Variants in COL14A1 observed in about 807,000 individuals in gnomAD.
COL14A1 encodes collagen type XIV alpha 1 chain, also known as collagen alpha-1(XIV) chain.
In COL14A1, 136 loss-of-function variants were observed where a neutral mutation model predicts 230.3. The ratio of observed to expected loss-of-function variants is 0.59; its 90% confidence interval spans 0.51 to 0.68. The LOEUF is 0.68. COL14A1 is among the 30% of genes least tolerant of loss of function. The pLI is 0.00. For synonymous variants in COL14A1, 792 were observed against 784.1 expected (o/e 1.01, Z -0.17); for missense variants, 1,976 against 2,215.8 (o/e 0.89, Z 2.17).
chr8:120,179,399 A>G (rs112846502), intron 5 of COL14A1, among the ~76,000 whole-genome samples: 2,646 of 152,266 alleles, frequency 0.017, 87 homozygotes, highest in African/African-American at 0.059. Flanking sequence ...CCAATAACAG[A>G]CAAACAGAGA....
At chr8:120,350,254 A>T (rs1257294817) in intron 45 of COL14A1, among the ~76,000 whole-genome samples, 1 of 152,062 alleles carries the variant, frequency 6.6e-6, no homozygotes, top group Admixed American at 6.6e-5. Flanking sequence ...CATGGAAAGG[A>T]ACAACCGGTA....
chr8:120,136,933 G>C (rs990385781), intron 1 of COL14A1, among the ~76,000 whole-genome samples: 1 of 115,434 alleles, frequency 8.7e-6, no homozygotes, highest in Non-Finnish European at 1.6e-5. Flanking sequence ...CTGCACTCCA[G>C]CCTGTGTGAC....
At chr8:120,298,736 G>C (rs1319289290) in intron 35 of COL14A1, among the ~76,000 whole-genome samples, 1 of 148,942 alleles carries the variant, frequency 6.7e-6, no homozygotes, top group Non-Finnish European at 1.5e-5. Context: ...AATAATTAAA[G>C]CTGGGATTCT....
chr8:120,232,834 T>G (rs1032421739), intron 19 of COL14A1, among the ~76,000 whole-genome samples: 3 of 152,228 alleles, frequency 2.0e-5, no homozygotes, highest in Non-Finnish European at 2.9e-5. Context: ...CTTTGAGGAA[T>G]CGCTACACTG....
At chr8:120,298,276 G>T (rs1820589508) in intron 35 of COL14A1, among the ~76,000 whole-genome samples, 1 of 151,834 alleles carries the variant, frequency 6.6e-6, no homozygotes. Flanking sequence ...AGTCCAGTGG[G>T]TGCTGAATAT....
In COL14A1 at chr8:120,266,860, C is replaced by T. The variant is rs962158088; in HGVS notation, c.3050C>T (p.Pro1017Leu). The T allele has an allele frequency of 6.2e-7, 1 of 1,612,008 alleles. No homozygotes were observed. The highest frequency in any genetic ancestry group is 8.5e-7 in the Non-Finnish European group (1 of 1,178,470). Residue 1017 changes from proline to leucine, a missense_variant, in exon 25 of 48, where the codon CCA (proline) becomes CTA (leucine). Transcript: ENST00000297848. ...CCTACACGACCACCAACTTTTCCTC[C>T]AACCATTCCACCAGCAAAAGAAGGT... Reference protein sequence around the residue: ...SLPTRPPTFPPTIPPAKEVCK... With the variant: ...SLPTRPPTFPLTIPPAKEVCK...
intron 18 of COL14A1, among the ~76,000 whole-genome samples, chr8:120,229,432 G>C (rs1005490556): frequency 6.1e-4 from 92 of 152,032 alleles, no homozygotes; most frequent in African/African-American, 2.0e-3. Flanking sequence ...CCCTACAAAG[G>C]ACATGAACTC....
chr8:120,246,094 C>A (rs555384460), intron 20 of COL14A1, among the ~76,000 whole-genome samples: 1 of 152,076 alleles, frequency 6.6e-6, no homozygotes, highest in Non-Finnish European at 1.5e-5. Context: ...ACCTGGGCAC[C>A]GAAGTGTGGA....
chr8:120,264,034 A>G (rs1409323385), intron 24 of COL14A1, among the ~76,000 whole-genome samples: 2 of 152,206 alleles, frequency 1.3e-5, no homozygotes, highest in African/African-American at 4.8e-5. Flanking sequence ...TTTTTAGTAC[A>G]TGTAATGAGT....
At chr8:120,350,096 A>C (rs1170569611) in intron 45 of COL14A1, among the ~76,000 whole-genome samples, 2 of 151,058 alleles carry the variant, frequency 1.3e-5, no homozygotes, top group African/African-American at 4.9e-5. Flanking sequence ...ATTCTTAAAG[A>C]AAAGAATTTT....
upstream of COL14A1, among the ~76,000 whole-genome samples, chr8:120,124,881 C>T (rs1814266454): frequency 6.6e-6 from 1 of 152,082 alleles, no homozygotes; most frequent in East Asian, 1.9e-4. Context: ...GCGCCACATC[C>T]GGCTGCCGCG....
intron 1 of COL14A1, among the ~76,000 whole-genome samples, chr8:120,139,677 T>C (rs1345352679): frequency 6.6e-6 from 1 of 152,166 alleles, no homozygotes; most frequent in African/African-American, 2.4e-5. Flanking sequence ...AATTAGAAAT[T>C]TTTGAGAGTT....
intron 5 of COL14A1, among the ~76,000 whole-genome samples, chr8:120,184,730 A>G (rs922110624): frequency 3.3e-5 from 5 of 152,138 alleles, no homozygotes; most frequent in Non-Finnish European, 7.3e-5. Context: ...TGGCAGGCTC[A>G]AAACCCAAGA....
At chr8:120,138,425 C>G (rs1293819087) in intron 1 of COL14A1, among the ~76,000 whole-genome samples, 2 of 152,068 alleles carry the variant, frequency 1.3e-5, no homozygotes, top group Non-Finnish European at 2.9e-5. Context: ...CTGACATTTC[C>G]CTTCTCAATA....
At chr8:120,154,453 C>G (rs1267106163) in intron 2 of COL14A1, among the ~76,000 whole-genome samples, 1 of 152,164 alleles carries the variant, frequency 6.6e-6, no homozygotes, top group Non-Finnish European at 1.5e-5. Context: ...TAAAAATGCC[C>G]CTACACTTTC....
intron 40 of COL14A1, among the ~76,000 whole-genome samples, chr8:120,328,270 A>G (rs527805647): frequency 2.6e-5 from 4 of 151,810 alleles, no homozygotes; most frequent in South Asian, 4.2e-4. Flanking sequence ...GTCTCACTCT[A>G]TCACCCAGAC....
chr8:120,150,545 C>T (rs1586718445), intron 2 of COL14A1, among the ~76,000 whole-genome samples: 1 of 152,074 alleles, frequency 6.6e-6, no homozygotes, highest in East Asian at 1.9e-4. Context: ...TTCATCTTGA[C>T]CCCTGTGTCA....
intron 44 of COL14A1, among the ~76,000 whole-genome samples, chr8:120,344,720 C>A (rs1563394): frequency 0.5 from 76,549 of 152,070 alleles, 19,985 homozygotes; most frequent in African/African-American, 0.66. Flanking sequence ...GGGAAAACTC[C>A]TCTCCTAATG....
rs570008735 is a variant in COL14A1, at chr8:120,153,141, G to A, written c.89-4989G>A. On this transcript the variant is annotated intron_variant, in intron 2 of 47. Coordinates refer to ENST00000297848, the MANE Select transcript of COL14A1 (RefSeq NM_021110.4). Reference sequence around the variant, plus strand: ...ATTGCTCCGATTTATAAAACATTTAGGCAGTACATTTAACTGAAAAAAATG... The same window carrying A: ...ATTGCTCCGATTTATAAAACATTTAAGCAGTACATTTAACTGAAAAAAATG... 2.6e-4 allele frequency among the ~76,000 whole-genome samples: 40 copies of A among 151,874 alleles called. No individual in the cohort carries two copies. The South Asian group carries it at 8.4e-3, about 32-fold the overall frequency.
Sources: allele counts gnomAD v4.1 joint callset (sites outside exome capture counted in the v4.1 genomes callset), GRCh38; gene constraint gnomAD v4.1.1; transcripts MANE v1.5; gene names NCBI Gene and HGNC (gene_info 2026-07-23, HGNC 2026-07-21).